The following FGD5 variants were observed in gnomAD, a reference collection of about 807,000 sequenced individuals.
FGD5 encodes FYVE, RhoGEF and PH domain-containing protein 5.
A neutral mutation model predicts 133.4 loss-of-function variants in FGD5; 28 were observed. The observed-to-expected ratio is 0.21, with a 90% CI of 0.16 to 0.29. The LOEUF (loss-of-function observed/expected upper bound fraction) is 0.29, where lower values mean the gene tolerates loss of function less well. FGD5 is among the 10% of genes least tolerant of loss of function. The pLI, the probability that FGD5 is intolerant of heterozygous loss-of-function variation, is 1.00. For synonymous variants in FGD5, 810 were observed against 776.5 expected (o/e 1.04, Z -0.72); for missense variants, 1,858 against 1,895.2 (o/e 0.98, Z 0.36).
intron 1 of FGD5, among the ~76,000 whole-genome samples, chr3:14,813,586 G>C (rs558312468): frequency 1.3e-5 from 2 of 152,342 alleles, no homozygotes; most frequent in African/African-American, 4.8e-5. Context: ...GATGTCAGAG[G>C]GTGTCTTAAG....
At chr3:14,893,752 C>CTTTTTTTTTTTTTTTTT (rs138741627) in intron 4 of FGD5, among the ~76,000 whole-genome samples, 57 of 95,050 alleles carry the variant, frequency 6.0e-4, no homozygotes, top group African/African-American at 1.4e-3. Context: ...TTTCTTTTTT[C>CTTTTTTTTTTTTTTTTT]TTTTTTTTTT....
chr3:14,810,718 C>A, upstream of FGD5: 2 of 812,864 alleles, frequency 2.5e-6, no homozygotes, highest in Non-Finnish European at 3.0e-6. Flanking sequence ...GAGTCCGAGG[C>A]GCGCCGGGGC....
At chr3:14,895,387 TGATA>T (rs1164522729) in intron 4 of FGD5, among the ~76,000 whole-genome samples, 1 of 152,210 alleles carries the variant, frequency 6.6e-6, no homozygotes, top group Non-Finnish European at 1.5e-5. Flanking sequence ...TTGTGTATAG[TGATA>T]GATAGAGGTC....
intron 11 of FGD5, among the ~76,000 whole-genome samples, chr3:14,915,966 G>C (rs2038546023): frequency 6.6e-6 from 1 of 152,204 alleles, no homozygotes; most frequent in African/African-American, 2.4e-5. Context: ...GCTCACCCTG[G>C]TTCATGTTAT....
In FGD5 at chr3:14,897,630, A is replaced by G. The variant is rs1225929015; in HGVS notation, c.2870A>G (p.Gln957Arg). The change falls in exon 5 of 20, where the codon CAA becomes CGA. Residue 957 changes from glutamine to arginine, a missense_variant. Around this residue, in one of 3 missense-constraint regions of FGD5, gnomAD observed 1,824 missense variants for 1,848.9 expected, o/e 0.99. Transcript: ENST00000285046. ...CTCCCAGCCATCCACGACCTTCATCAAGGCATCCTGGAGGAGCTGGAGGAA... is the reference window on the plus strand; with the variant it reads ...CTCCCAGCCATCCACGACCTTCATCGAGGCATCCTGGAGGAGCTGGAGGAA... ...SELPAIHDLH[Q>R]GILEELEERL... 6.2e-7 allele frequency: 1 copy of G among 1,606,938 alleles called. No homozygotes were observed. Among genetic ancestry groups the G allele is most frequent in the African/African-American group, 1.3e-5 (1 of 74,904 alleles).
chr3:14,891,263 C>T (rs547447383), intron 4 of FGD5, among the ~76,000 whole-genome samples: 2 of 152,302 alleles, frequency 1.3e-5, no homozygotes, highest in East Asian at 3.9e-4. Flanking sequence ...GACCCCAGTA[C>T]CCCAGAGCCA....
Position 14,922,295 on chromosome 3 carries a change from A to T in FGD5, c.3670-116A>T. Reference sequence around the variant, plus strand: ...AGGAGAGGCCTTTCACATCAGACCCACTCACCCACACATCACACACCCTGC... The same window carrying T: ...AGGAGAGGCCTTTCACATCAGACCCTCTCACCCACACATCACACACCCTGC... On this transcript the variant is annotated intron_variant, in intron 14 of 19. Coordinates refer to ENST00000285046, the MANE Select transcript of FGD5 (RefSeq NM_152536.4). This position sits in a 1 kb window ranked among gnomAD's most constrained non-coding sequence, Gnocchi z 4.1. The T allele has an allele frequency of 7.0e-7, 1 of 1,427,560 alleles. No individual in the cohort carries two copies. Among genetic ancestry groups the T allele is most frequent in the Non-Finnish European group, 9.5e-7 (1 of 1,053,122 alleles). 88.4% of individuals were successfully genotyped at this position (1,427,560 alleles called of 1,614,324 possible).
chr3:14,900,135 G>A (rs571213291), intron 7 of FGD5, among the ~76,000 whole-genome samples: 4 of 152,334 alleles, frequency 2.6e-5, no homozygotes, highest in East Asian at 3.9e-4. Flanking sequence ...ACCTTGTTGT[G>A]TCTGTCTCCA....
At chr3:14,926,048 C>G in intron 17 of FGD5, 22 bp from the exon 18 acceptor site, 1 of 1,612,362 alleles carries the variant, frequency 6.2e-7, no homozygotes, top group Non-Finnish European at 8.5e-7. Context: ...GTGGGCTGAC[C>G]GCTCTGCTTC....
chr3:14,810,740 C>T, upstream of FGD5: 4 of 925,544 alleles, frequency 4.3e-6, no homozygotes, highest in Non-Finnish European at 5.1e-6. Context: ...GGGCGGGCGC[C>T]AGGGGGTGCG....
intron 1 of FGD5, among the ~76,000 whole-genome samples, chr3:14,842,405 G>T (rs2036941143): frequency 1.3e-5 from 2 of 152,194 alleles, no homozygotes; most frequent in Non-Finnish European, 2.9e-5. Flanking sequence ...TTGGGAGGGT[G>T]CACACTCCCT....
intron 1 of FGD5, among the ~76,000 whole-genome samples, chr3:14,812,264 A>G (rs1029660570): frequency 1.1e-4 from 16 of 152,084 alleles, no homozygotes; most frequent in African/African-American, 3.9e-4. Context: ...TGGGAATGGA[A>G]GAGGCTGAAA....
chr3:14,857,324 A>AT (rs1206606736), intron 1 of FGD5, among the ~76,000 whole-genome samples: 7 of 151,816 alleles, frequency 4.6e-5, no homozygotes, highest in East Asian at 1.9e-4. Flanking sequence ...CATTCAGCTA[A>AT]TTTTTTTTAT....
upstream of FGD5, chr3:14,810,734 G>T: frequency 2.2e-6 from 2 of 894,694 alleles, no homozygotes; most frequent in Non-Finnish European, 2.7e-6. Flanking sequence ...GGGGCCGGGC[G>T]GGCGCCAGGG....
intron 10 of FGD5, among the ~76,000 whole-genome samples, chr3:14,910,508 C>T (rs1385094045): frequency 6.6e-6 from 1 of 152,156 alleles, no homozygotes; most frequent in Non-Finnish European, 1.5e-5. Context: ...GTGTCTTAGG[C>T]TGCAGACACA....
At position 14,921,914 on chromosome 3, in the gene FGD5, G is replaced by A. The variant is rs199525408; in HGVS notation, c.3570-4G>A. The stretch of plus-strand genomic sequence containing the variant: ...CCTTTGCTCACTCCAGCCCATGCCC[G>A]CAGCTCCTGTGCAGAGAGGGACGAG... On this transcript the variant is annotated splice_region_variant and splice_polypyrimidine_tract_variant and intron_variant, in intron 13 of 19. Transcript: ENST00000285046. 33 of 1,561,476 alleles carry A rather than the reference G, an allele frequency of 2.1e-5. No individual in the cohort carries two copies. The highest frequency in any genetic ancestry group is 1.7e-4 in the Middle Eastern group (1 of 6,022).
At chr3:14,855,932 T>C (rs2037268947) in intron 1 of FGD5, among the ~76,000 whole-genome samples, 1 of 152,164 alleles carries the variant, frequency 6.6e-6, no homozygotes, top group Admixed American at 6.5e-5. Context: ...TTTGAGGTCT[T>C]AGTCATAAAA....
chr3:14,854,432 T>TATTG (rs71038441), intron 1 of FGD5, among the ~76,000 whole-genome samples: 2,813 of 143,390 alleles, frequency 0.02, 94 homozygotes, highest in African/African-American at 0.057. Flanking sequence ...TTTATTTATT[T>TATTG]ATTGAGACGA....
intron 9 of FGD5, among the ~76,000 whole-genome samples, chr3:14,901,843 G>A (rs1250565416): frequency 3.3e-5 from 5 of 152,222 alleles, no homozygotes; most frequent in African/African-American, 1.2e-4. Context: ...GCTGTGTTGG[G>A]GAGTGGAGAT....
Sources: gnomAD v4.1 joint callset for allele counts (sites outside exome capture counted in the v4.1 genomes callset) on GRCh38, gnomAD v4.1.1 for gene constraint, gnomAD v4.1.1 regional missense constraint, Gnocchi (gnomAD v3.1) non-coding constraint, MANE v1.5 for transcripts, NCBI Gene and HGNC (gene_info 2026-07-23, HGNC 2026-07-21) for gene names.